Variants in DISC1 observed in about 807,000 individuals in gnomAD.
The protein encoded by DISC1 is DISC1 scaffold protein, also known as disrupted in schizophrenia 1 protein.
A neutral mutation model predicts 84.5 loss-of-function variants in DISC1; 57 were observed. The observed-to-expected ratio is 0.67, with a 90% CI of 0.55 to 0.84. DISC1 has a LOEUF of 0.84. DISC1 is among the 40% of genes least tolerant of loss of function. The probability of loss-of-function intolerance (pLI) is 0.00; values close to 1 mark genes in which losing one functional copy is unlikely to be tolerated. For missense variants in DISC1, 1,000 were observed against 1,057.8 expected (o/e 0.95, Z 0.76); for synonymous variants, 411 against 415.2 (o/e 0.99, Z 0.12).
At chr1:231,723,468 C>A (rs539645556) in intron 3 of DISC1, 91 of 985,508 alleles carry the variant, frequency 9.2e-5, no homozygotes, top group Non-Finnish European at 1.1e-4. Flanking sequence ...GAACTTATTT[C>A]TGGTCTGGTT....
chr1:231,659,097 A>C (rs917726241), intron 1 of DISC1, among the ~76,000 whole-genome samples: 1 of 152,060 alleles, frequency 6.6e-6, no homozygotes, highest in African/African-American at 2.4e-5. Context: ...TCAGCTGTGA[A>C]TCTGTCTGTT....
intron 7 of DISC1, among the ~76,000 whole-genome samples, chr1:231,798,126 C>CACACACACACACAT (rs1215755089): frequency 6.6e-6 from 1 of 151,332 alleles, no homozygotes; most frequent in Non-Finnish European, 1.5e-5. Flanking sequence ...CACACACACA[C>CACACACACACACAT]ACACACACAT....
chr1:231,750,195 A>T, intron 4 of DISC1, 119 bp downstream of exon 4: 1 of 1,425,054 alleles, frequency 7.0e-7, no homozygotes, highest in Non-Finnish European at 9.3e-7. Context: ...TTTCCTGGGA[A>T]GGGCCCTTTG....
intron 9 of DISC1, among the ~76,000 whole-genome samples, chr1:231,893,141 T>C (rs1011433677): frequency 6.6e-5 from 10 of 152,016 alleles, no homozygotes; most frequent in African/African-American, 2.4e-4. Flanking sequence ...CCTGCCTGGG[T>C]GACACAGCAA....
intron 1 of DISC1, among the ~76,000 whole-genome samples, chr1:231,670,165 C>A (rs1348437765): frequency 6.6e-6 from 1 of 152,036 alleles, no homozygotes; most frequent in African/African-American, 2.4e-5. Context: ...ATGGTGAGAA[C>A]ACATGGACAT....
intron 10 of DISC1, among the ~76,000 whole-genome samples, chr1:231,995,961 T>G (rs1354595759): frequency 1.3e-5 from 2 of 152,108 alleles, no homozygotes; most frequent in Admixed American, 1.3e-4. Flanking sequence ...CCACCAACAG[T>G]GTAAAAGTGT....
rs887871633 is a variant in DISC1 at position 231,698,643 on chromosome 1, G to A, written c.1048-3312G>A. ...GAGATCACTGGACGAGGTGGGCATC[G>A]TGGGGTGGGCTTTGGCTGTAAATGA... On this transcript the variant is annotated intron_variant, in intron 2 of 12. Transcript: ENST00000439617. This position sits in a 1 kb window ranked among gnomAD's most constrained non-coding sequence, Gnocchi z 4.9. 6.6e-6 allele frequency among the ~76,000 whole-genome samples: 1 copy of A among 152,212 alleles called. No individual in the cohort carries two copies. The highest frequency in any genetic ancestry group is 1.5e-5 in the Non-Finnish European group (1 of 68,044).
intron 6 of DISC1, among the ~76,000 whole-genome samples, chr1:231,775,306 T>G (rs2076879435): frequency 6.6e-6 from 1 of 152,246 alleles, no homozygotes. Context: ...CATTTCTGGA[T>G]GTATCACTGG....
rs1267048443 is a variant in DISC1, at chr1:232,036,831, A to G, written c.2565A>G (p.Ter855TrpextTer54). 1.5e-6 allele frequency: 2 copies of G among 1,376,748 alleles called. No homozygotes were observed. The highest frequency in any genetic ancestry group is 1.5e-5 in the African/African-American group (1 of 65,974). 85.3% of individuals were successfully genotyped at this position (1,376,748 alleles called of 1,614,324 possible). ...MTAGVHEAQA[*>W] ...CTGGTGTCCACGAAGCACAAGCCTG[A>G]GGAGTGACGGGATGGGGGAGGGAGG... Residue 855 changes from the stop codon to tryptophan, a stop_lost, in exon 13 of 13, where the codon TGA becomes TGG. Transcript: ENST00000439617.
At chr1:231,778,976 G>C (rs1483910693) in intron 6 of DISC1, among the ~76,000 whole-genome samples, 1 of 152,062 alleles carries the variant, frequency 6.6e-6, no homozygotes, top group Non-Finnish European at 1.5e-5. Flanking sequence ...CAACAGAGCA[G>C]CATCAATGCT....
chr1:231,708,088 G>T (rs1200419903), intron 3 of DISC1, among the ~76,000 whole-genome samples: 2 of 152,264 alleles, frequency 1.3e-5, no homozygotes, highest in Admixed American at 1.3e-4. Flanking sequence ...GCTGACAAGG[G>T]GTGGACTTGT....
At chr1:231,749,625 A>G (rs1394347668) in intron 3 of DISC1, among the ~76,000 whole-genome samples, 1 of 152,240 alleles carries the variant, frequency 6.6e-6, no homozygotes, top group African/African-American at 2.4e-5. Flanking sequence ...TTGTGCTTTT[A>G]AAATAATTAA....
In DISC1 at chr1:231,802,614, A is replaced by G. The variant is rs571428171; in HGVS notation, c.1792+2404A>G. On this transcript the variant is annotated intron_variant, in intron 8 of 12. Coordinates refer to ENST00000439617, the MANE Select transcript of DISC1 (RefSeq NM_018662.3). The stretch of plus-strand genomic sequence containing the variant: ...TTGCAGAGAGTAGGAATAACAAATT[A>G]GTTTCATTTTCAAACCTGGCCAGAT... 4.6e-5 allele frequency among the ~76,000 whole-genome samples: 7 copies of G among 152,310 alleles called. No homozygotes were observed. The South Asian group carries it at 1.4e-3, about 32-fold the overall frequency.
intron 10 of DISC1, among the ~76,000 whole-genome samples, chr1:231,988,943 T>C (rs16855881): frequency 0.032 from 4,945 of 152,294 alleles, 263 homozygotes; most frequent in African/African-American, 0.11. Flanking sequence ...TGCTCCTTGA[T>C]TGTCACATTG....
At chr1:232,029,818 A>G (rs983713643) in intron 12 of DISC1, among the ~76,000 whole-genome samples, 2 of 152,136 alleles carry the variant, frequency 1.3e-5, no homozygotes, top group Non-Finnish European at 2.9e-5. Flanking sequence ...GCATCAACAG[A>G]GGTTAGGGGT....
At chr1:231,634,778 G>A (rs2059048827) in intron 1 of DISC1, among the ~76,000 whole-genome samples, 1 of 152,144 alleles carries the variant, frequency 6.6e-6, no homozygotes, top group South Asian at 2.1e-4. Context: ...AGGCATGGTG[G>A]TGCATGCCTA....
chr1:232,024,959 A>C lies in DISC1; in HGVS notation c.2308-1476A>C, dbSNP rs16856241. ...TAAGGAAATATTATCTTTACATTTA[A>C]GTTTTAATTCTGAGCTCATTTCTTG... On this transcript the variant is annotated intron_variant, in intron 11 of 12. Transcript: ENST00000439617. 6.3e-3 allele frequency among the ~76,000 whole-genome samples: 953 copies of C among 152,294 alleles called. 6 individuals carry two copies. The highest frequency in any genetic ancestry group is 0.011 in the Non-Finnish European group (717 of 68,018).
At chr1:231,893,301 A>G (rs1361093712) in intron 9 of DISC1, among the ~76,000 whole-genome samples, 1 of 152,240 alleles carries the variant, frequency 6.6e-6, no homozygotes, top group Non-Finnish European at 1.5e-5. Context: ...ACCTTGGATC[A>G]TGTGTATATG....
At chr1:231,789,361 G>A (rs2078139404) in intron 6 of DISC1, among the ~76,000 whole-genome samples, 1 of 152,218 alleles carries the variant, frequency 6.6e-6, no homozygotes, top group Non-Finnish European at 1.5e-5. Context: ...GAGGAGGTAA[G>A]AGACGAGATG....
Sources: gnomAD v4.1 joint callset for allele counts (sites outside exome capture counted in the v4.1 genomes callset) on GRCh38, gnomAD v4.1.1 for gene constraint, Gnocchi (gnomAD v3.1) non-coding constraint, MANE v1.5 for transcripts, NCBI Gene and HGNC (gene_info 2026-07-23, HGNC 2026-07-21) for gene names.